Variants in GLIS3 observed in about 807,000 individuals in gnomAD.
The protein encoded by GLIS3 is zinc finger protein GLIS3.
A neutral mutation model predicts 78.6 loss-of-function variants in GLIS3; 53 were observed. That is an observed-to-expected ratio of 0.67 (90% CI 0.54 to 0.85). GLIS3 has a LOEUF of 0.85. Ranked by LOEUF, GLIS3 falls within the 40% of genes least tolerant of loss-of-function variation. The probability of loss-of-function intolerance (pLI) is 0.00; values close to 1 mark genes in which losing one functional copy is unlikely to be tolerated. For synonymous variants in GLIS3, 684 were observed against 509.9 expected, an observed-to-expected ratio of 1.34 and a Z score of -4.60; for missense variants, 1,703 against 1,231.1, an observed-to-expected ratio of 1.38 and a Z score of -5.74.
At position 4,137,182 on chromosome 9, in the gene GLIS3, T is replaced by C. The variant is rs75825614; in HGVS notation, c.389-11241A>G. ...AATTAGTTGCTAAAGATTTAGGCGA[T>C]CACATTTAAATGGGAGAGGGGGGCC... On this transcript the variant is annotated intron_variant, in intron 2 of 10. Transcript: ENST00000381971. Among the ~76,000 whole-genome samples the C allele has an allele frequency of 4.9e-3, 743 of 152,284 alleles. 13 individuals are homozygous for C. The highest frequency in any genetic ancestry group is 0.039 in the Admixed American group (589 of 15,284).
chr9:3,915,429 G>C (rs1452433267), intron 6 of GLIS3, among the ~76,000 whole-genome samples: 1 of 152,128 alleles, frequency 6.6e-6, no homozygotes, highest in East Asian at 1.9e-4. Context: ...CATTAGTCTT[G>C]GTGGTTCTGA....
intron 2 of GLIS3, among the ~76,000 whole-genome samples, chr9:4,271,875 C>T (rs1020505281): frequency 2.6e-5 from 4 of 152,184 alleles, no homozygotes; most frequent in African/African-American, 9.6e-5. Context: ...AACCTGGATT[C>T]AGTTCCCAGC....
At chr9:4,318,991 A>G (rs1449786991) in intron 2 of GLIS3, among the ~76,000 whole-genome samples, 1 of 152,232 alleles carries the variant, frequency 6.6e-6, no homozygotes, top group East Asian at 1.9e-4. Context: ...GAATCTAATC[A>G]TAAGGAAATG....
chr9:4,387,153 G>C, the GLIS3 span, among the ~76,000 whole-genome samples: 1 of 152,204 alleles, frequency 6.6e-6, no homozygotes, highest in South Asian at 2.1e-4. Context: ...TTGTTATAGA[G>C]ATGTGCAGCA....
At chr9:3,905,088 T>G (rs1328302108) in intron 6 of GLIS3, among the ~76,000 whole-genome samples, 1 of 149,670 alleles carries the variant, frequency 6.7e-6, no homozygotes, top group Non-Finnish European at 1.5e-5. Flanking sequence ...TTCTCCTGCC[T>G]CAGCCTCCCG....
At chr9:4,196,794 C>T (rs183067924) in intron 2 of GLIS3, among the ~76,000 whole-genome samples, 3 of 152,316 alleles carry the variant, frequency 2.0e-5, no homozygotes, top group East Asian at 1.9e-4. Flanking sequence ...CCCCCAATTT[C>T]GGACACACAA....
intron 9 of GLIS3, among the ~76,000 whole-genome samples, chr9:3,832,788 A>G (rs1304711553): frequency 6.6e-6 from 1 of 152,198 alleles, no homozygotes; most frequent in Non-Finnish European, 1.5e-5. Flanking sequence ...TGTCACCCAT[A>G]AATTTCCTGA....
chr9:3,844,066 C>A (rs573171273), intron 9 of GLIS3, among the ~76,000 whole-genome samples: 3 of 152,274 alleles, frequency 2.0e-5, no homozygotes, highest in African/African-American at 7.2e-5. Context: ...TCTACGTAAA[C>A]CAACGAGAAA....
chr9:3,844,748 T>C (rs530024087), intron 9 of GLIS3, among the ~76,000 whole-genome samples: 1 of 152,220 alleles, frequency 6.6e-6, no homozygotes, highest in Non-Finnish European at 1.5e-5. Flanking sequence ...ACCCAGGTCC[T>C]AGCTCTTGTT....
chr9:4,249,463 G>C (rs1239770784), intron 2 of GLIS3, among the ~76,000 whole-genome samples: 2 of 152,170 alleles, frequency 1.3e-5, no homozygotes, highest in African/African-American at 4.8e-5. Flanking sequence ...TCTGCACATT[G>C]ATTTTGTATC....
At chr9:4,450,591 C>G in the GLIS3 span, among the ~76,000 whole-genome samples, 1 of 152,088 alleles carries the variant, frequency 6.6e-6, no homozygotes, top group Non-Finnish European at 1.5e-5. Context: ...TTAAGGGCAG[C>G]CAGAGAGAAA....
intron 4 of GLIS3, among the ~76,000 whole-genome samples, chr9:4,115,261 A>C (rs1311294099): frequency 2.0e-5 from 3 of 152,156 alleles, no homozygotes; most frequent in African/African-American, 7.2e-5. Context: ...AAAACTAAAA[A>C]ATGGCCCGGC....
At chr9:4,083,904 C>T (rs764289804) in intron 4 of GLIS3, among the ~76,000 whole-genome samples, 7 of 152,156 alleles carry the variant, frequency 4.6e-5, no homozygotes, top group Non-Finnish European at 7.4e-5. Flanking sequence ...TAAAAGCCAA[C>T]GCATGTAGAA....
chr9:4,294,868 C>T (rs984111785), intron 1 of GLIS3, among the ~76,000 whole-genome samples: 1 of 152,158 alleles, frequency 6.6e-6, no homozygotes, highest in East Asian at 1.9e-4. Context: ...TTCTGTACTG[C>T]TCATACTGAA....
chr9:4,284,292 A>T, intron 2 of GLIS3, among the ~76,000 whole-genome samples: 1 of 152,226 alleles, frequency 6.6e-6, no homozygotes, highest in East Asian at 1.9e-4. Context: ...GATACAATAA[A>T]GGCAAGTTAT....
the GLIS3 span, among the ~76,000 whole-genome samples, chr9:4,475,077 T>G: frequency 1.4e-5 from 2 of 144,518 alleles, no homozygotes; most frequent in African/African-American, 2.6e-5. Flanking sequence ...CACTGCAAAC[T>G]CTGCCTCCTG....
At chr9:4,031,500 A>T (rs1823828906) in intron 4 of GLIS3, among the ~76,000 whole-genome samples, 1 of 152,226 alleles carries the variant, frequency 6.6e-6, no homozygotes, top group African/African-American at 2.4e-5. Context: ...AGAAGGGAGA[A>T]CTACCGATTG....
At position 4,168,667 on chromosome 9, in the gene GLIS3, G is replaced by C. The variant is rs149024597; in HGVS notation, c.389-42726C>G. On this transcript the variant is annotated intron_variant, in intron 2 of 10. Coordinates refer to ENST00000381971, the MANE Select transcript of GLIS3 (RefSeq NM_001042413.2). ...CATTTTTACTTTAAAAAAGATTTATGTATCATTTTCTGGTTTTATGAGTGT... is the reference window on the plus strand; with the variant it reads ...CATTTTTACTTTAAAAAAGATTTATCTATCATTTTCTGGTTTTATGAGTGT... Among the ~76,000 whole-genome samples, 895 of 152,274 alleles carry C rather than the reference G, an allele frequency of 5.9e-3. 5 individuals are homozygous for C. Among genetic ancestry groups the C allele is most frequent in the Non-Finnish European group, 8.2e-3 (555 of 68,016 alleles).
In GLIS3 at chr9:4,202,152, CTTTTTTT is replaced by C. The variant is rs71324286; in HGVS notation, c.389-76218_389-76212del. 2.4e-5 allele frequency among the ~76,000 whole-genome samples: 3 copies of C among 125,442 alleles called. No homozygotes were observed. In the Admixed American group the frequency reaches 2.7e-4, roughly 11 times the overall value. The allele number at this position is 125,442 out of a possible 152,430, so 82.3% of individuals were successfully genotyped here. A position where few individuals can be genotyped will look rare whatever the true frequency, so the allele number is the denominator to read the frequency against. On this transcript the variant is annotated intron_variant, in intron 2 of 10. Coordinates refer to ENST00000381971, the MANE Select transcript of GLIS3 (RefSeq NM_001042413.2). ...GACTCTTTTTTTTCTCCCCCTTTTT[CTTTTTTT>C]TTTTTTTTTGAGACGGAGTCTTGCT...
Sources: allele counts gnomAD v4.1 joint callset (sites outside exome capture counted in the v4.1 genomes callset), GRCh38; gene constraint gnomAD v4.1.1; transcripts MANE v1.5; gene names NCBI Gene and HGNC (gene_info 2026-07-23, HGNC 2026-07-21).